Variants in USP54 observed in about 807,000 individuals in gnomAD.
USP54 encodes ubiquitin carboxyl-terminal hydrolase 54.
USP54 carries 87 observed loss-of-function variants against 170.5 expected under a neutral mutation model. That is an observed-to-expected ratio of 0.51 (90% CI 0.43 to 0.61). The LOEUF (loss-of-function observed/expected upper bound fraction) is 0.61, where lower values mean the gene tolerates loss of function less well. Among genes scored for constraint, USP54 ranks in the 20% least tolerant of loss-of-function variants. The pLI, the probability that USP54 is intolerant of heterozygous loss-of-function variation, is 0.00. For missense variants in USP54, 1,786 were observed against 2,047.8 expected (o/e 0.87, Z 2.47); for synonymous variants, 655 against 742.8 (o/e 0.88, Z 1.92).
chr10:73,567,109 C>T (rs1051348989), intron 4 of USP54, among the ~76,000 whole-genome samples: 2 of 151,712 alleles, frequency 1.3e-5, no homozygotes, highest in Non-Finnish European at 2.9e-5. Context: ...GAACTCCTTA[C>T]CTCAGGTGAT....
rs1474761949 is a variant in USP54 at position 73,618,773 on chromosome 10, G to A, written c.-18+6794C>T. On this transcript the variant is annotated intron_variant, in intron 1 of 22. Coordinates refer to the USP54 transcript ENST00000339859. ...AAAAAAAAAAAAAAATTAGCCGGGC[G>A]TGGTAGCTGGTGCCTGTAATCTCAG... Among the ~76,000 whole-genome samples, 3 of 148,892 alleles carry A rather than the reference G, an allele frequency of 2.0e-5. 1 individual carries two copies. The highest frequency in any genetic ancestry group is 6.6e-5 in the Admixed American group (1 of 15,094).
intron 4 of USP54, among the ~76,000 whole-genome samples, chr10:73,549,491 C>T (rs2068707673): frequency 6.6e-6 from 1 of 152,214 alleles, no homozygotes; most frequent in African/African-American, 2.4e-5. Context: ...TGTCCCATCT[C>T]AGTAAACACC....
chr10:73,541,867 AG>A (rs1398708297), intron 7 of USP54, 129 bp from the exon 8 acceptor site: 1 of 832,336 alleles, frequency 1.2e-6, no homozygotes, highest in African/African-American at 1.7e-5. Flanking sequence ...GCCCCTGACC[AG>A]GCTCAGTGTC....
intron 4 of USP54, among the ~76,000 whole-genome samples, chr10:73,551,551 G>A (rs2069360878): frequency 6.6e-6 from 1 of 152,220 alleles, no homozygotes; most frequent in Non-Finnish European, 1.5e-5. Context: ...AAAGGAAAAG[G>A]AAGGGGGAAA....
rs1486848692 is a variant in USP54, at chr10:73,520,761, G to A, written c.2482+147C>T. On this transcript the variant is annotated intron_variant, in intron 18 of 23. Transcript: ENST00000687698. Reference sequence around the variant, plus strand: ...GCCAGGTACACTTAGAAATCAAAGGGCAAAAACAGCTAACGCGACTCAGTT... The same window carrying A: ...GCCAGGTACACTTAGAAATCAAAGGACAAAAACAGCTAACGCGACTCAGTT... The A allele has an allele frequency of 6.3e-6, 7 of 1,112,030 alleles. No individual in the cohort carries two copies. In the African/African-American group the frequency reaches 1.1e-4, roughly 17 times the overall value. The allele number at this position is 1,112,030 out of a possible 1,614,324, so 68.9% of individuals were successfully genotyped here. A position where few individuals can be genotyped will look rare whatever the true frequency, so the allele number is the denominator to read the frequency against.
chr10:73,570,148 G>A (rs1316191350), intron 4 of USP54, among the ~76,000 whole-genome samples: 2 of 151,898 alleles, frequency 1.3e-5, no homozygotes, highest in Non-Finnish European at 2.9e-5. Flanking sequence ...AATGACTGTG[G>A]AAGCTTACTC....
chr10:73,538,484 T>A (rs532361527), intron 10 of USP54: 34 of 150,886 alleles, frequency 2.3e-4, no homozygotes, highest in African/African-American at 7.8e-4. Context: ...GAAGAAAAAC[T>A]ATTTTCTAGA....
chr10:73,620,349 C>T (rs1301602873), intron 1 of USP54, among the ~76,000 whole-genome samples: 1 of 149,548 alleles, frequency 6.7e-6, no homozygotes, highest in Non-Finnish European at 1.5e-5. Context: ...AGAAAGTTCT[C>T]TAGGCTTTAG....
chr10:73,509,576 T>C (rs938388450), intron 20 of USP54, among the ~76,000 whole-genome samples: 1 of 151,584 alleles, frequency 6.6e-6, no homozygotes, highest in African/African-American at 2.4e-5. Context: ...GATCACGCCA[T>C]TGTATTCCAG....
intron 1 of USP54, among the ~76,000 whole-genome samples, chr10:73,603,328 T>G (rs1395353779): frequency 6.6e-6 from 1 of 152,116 alleles, no homozygotes; most frequent in Non-Finnish European, 1.5e-5. Flanking sequence ...AAAACAGAAC[T>G]GTGAATCAAA....
At position 73,498,839 on chromosome 10, in the gene USP54, C is replaced by T. The variant is rs780652161; in HGVS notation, c.4845G>A (p.Arg1615=). The T allele has an allele frequency of 6.8e-6, 11 of 1,613,006 alleles. No individual in the cohort carries two copies. In the East Asian group the frequency reaches 1.8e-4, roughly 26 times the overall value. The change falls in exon 24 of 24, where the codon AGG becomes AGA. Residue 1615 remains arginine, a synonymous_variant. Coordinates refer to ENST00000687698, the MANE Select transcript of USP54 (RefSeq NM_001391956.1). ...PPSSSLHVPL[R]SAWNSDPVPG... ...GAACAGGATCTGAATTCCAAGCTGA[C>T]CTCAGGGGTACATGAAGACTGCTAG...
chr10:73,523,805 T>C (rs1176056118), intron 16 of USP54, 55 bp from the exon 17 acceptor site: 9 of 1,506,934 alleles, frequency 6.0e-6, no homozygotes, highest in Admixed American at 1.8e-5. Context: ...GACTAAGTAC[T>C]TGATGAATTT....
intron 15 of USP54, among the ~76,000 whole-genome samples, chr10:73,527,045 T>C (rs773451490): frequency 4.6e-5 from 7 of 152,214 alleles, no homozygotes; most frequent in Admixed American, 1.3e-4. Flanking sequence ...ATTGGTTTCA[T>C]ATTTATTTCC....
At chr10:73,617,813 G>A (rs2080764280) in intron 1 of USP54, among the ~76,000 whole-genome samples, 1 of 150,164 alleles carries the variant, frequency 6.7e-6, no homozygotes, top group Non-Finnish European at 1.5e-5. Flanking sequence ...GGGAGGCTGA[G>A]GTGAGAGGAT....
rs974242526 is a variant in USP54, at chr10:73,534,808, A to G, written c.1145-38T>C. ...GGAAACACATATGCAAAAAGTGAGG[A>G]AACAGAACAGTAGCAAAGAGAAGGA... On this transcript the variant is annotated intron_variant, in intron 11 of 23. Transcript: ENST00000687698. 2.5e-6 allele frequency: 4 copies of G among 1,592,986 alleles called. No homozygotes were observed. In the African/African-American group the frequency reaches 5.4e-5, roughly 21 times the overall value.
At chr10:73,528,572 C>CTT (rs1263435994) in intron 15 of USP54, among the ~76,000 whole-genome samples, 3 of 142,180 alleles carry the variant, frequency 2.1e-5, no homozygotes, top group Admixed American at 7.1e-5. Flanking sequence ...GTTTTTGTTT[C>CTT]TTTTTTTTTT....
chr10:73,584,691 C>T (rs556894383), intron 1 of USP54, among the ~76,000 whole-genome samples: 1 of 151,964 alleles, frequency 6.6e-6, no homozygotes, highest in South Asian at 2.1e-4. Context: ...AATCTATAAA[C>T]TATCATTTCC....
chr10:73,529,079 G>C (rs189545411), intron 15 of USP54: 1 of 152,372 alleles, frequency 6.6e-6, no homozygotes, highest in African/African-American at 2.4e-5. Flanking sequence ...ACAAATTTTT[G>C]TGCCACCTTT....
At chr10:73,600,002 A>G (rs1006445102) in intron 1 of USP54, among the ~76,000 whole-genome samples, 2 of 151,128 alleles carry the variant, frequency 1.3e-5, no homozygotes, top group Non-Finnish European at 2.9e-5. Flanking sequence ...CCTGGGTTCA[A>G]GCGATTCTCC....
Sources: allele counts gnomAD v4.1 joint callset (sites outside exome capture counted in the v4.1 genomes callset), GRCh38; gene constraint gnomAD v4.1.1; transcripts MANE v1.5; gene names NCBI Gene and HGNC (gene_info 2026-07-23, HGNC 2026-07-21).